DNAI4: variants seen among roughly 807,000 people sequenced by gnomAD.
DNAI4 encodes dynein axonemal intermediate chain 4.
A neutral mutation model predicts 105.8 loss-of-function variants in DNAI4; 85 were observed. The ratio of observed to expected loss-of-function variants is 0.80; its 90% CI spans 0.67 to 0.96. The LOEUF (loss-of-function observed/expected upper bound fraction) is 0.96. Among genes scored for constraint, DNAI4 ranks in the 40% least tolerant of loss-of-function variants. The probability of loss-of-function intolerance (pLI) is 0.00; values close to 1 mark genes in which losing one functional copy is unlikely to be tolerated. For missense variants in DNAI4, 1,014 were observed against 1,005.6 expected (o/e 1.01, Z -0.11); for synonymous variants, 352 against 331.5 (o/e 1.06, Z -0.67).
chr1:66,852,246 T>C (rs1221231707), intron 7 of DNAI4, among the ~76,000 whole-genome samples: 1 of 151,704 alleles, frequency 6.6e-6, no homozygotes, highest in African/African-American at 2.4e-5. Context: ...TTTAAAAAAC[T>C]CACCCACAAA....
chr1:66,862,426 C>A (rs771460267), intron 6 of DNAI4, 124 bp from the exon 7 acceptor site: 2 of 1,036,998 alleles, frequency 1.9e-6, no homozygotes, highest in South Asian at 1.6e-5. Flanking sequence ...TGCAGTTGCC[C>A]GTGCCAGCTA....
At chr1:66,840,401 C>A in intron 9 of DNAI4, 68 bp downstream of exon 9, 7 of 1,446,540 alleles carry the variant, frequency 4.8e-6, no homozygotes, top group Non-Finnish European at 6.8e-6. Context: ...AACAATTCTT[C>A]ATTATTCGAA....
At chr1:66,845,210 G>GAAAAAAAAAAAAAAAAAAAAAAAAA (rs1557918709) in intron 8 of DNAI4, among the ~76,000 whole-genome samples, 1 of 21,616 alleles carries the variant, frequency 4.6e-5, no homozygotes, top group African/African-American at 1.5e-4. Flanking sequence ...AAAAAAAAAA[G>GAAAAAAAAAAAAAAAAAAAAAAAAA]AAAAATTAAA....
chr1:66,837,838 C>T (rs1646063130), intron 9 of DNAI4, 42 bp from the exon 10 acceptor site: 1 of 1,519,904 alleles, frequency 6.6e-7, no homozygotes, highest in Non-Finnish European at 9.0e-7. Context: ...GAGAAGATAG[C>T]ATTAAAATAT....
At position 66,836,256 on chromosome 1, in the gene DNAI4, GAAAGAAAGAAAGAAAGAA is replaced by G. The variant is rs1646008824; in HGVS notation, c.1582-497_1582-480del. On this transcript the variant is annotated intron_variant, in intron 10 of 16. Coordinates refer to ENST00000371026, the MANE Select transcript of DNAI4 (RefSeq NM_024763.5). Reference sequence around the variant, plus strand: ...AGAGAAAGAAAGAAAGAGAGAGAGAGAAAGAAAGAAAGAAAGAAAGAAAGAAAGAAAGAAAGAAAGAAA... The same window carrying G: ...AGAGAAAGAAAGAAAGAGAGAGAGAGAGAAAGAAAGAAAGAAAGAAAGAAA... 1.6e-3 allele frequency among the ~76,000 whole-genome samples: 23 copies of G among 14,138 alleles called. 1 individual carries two copies. The highest frequency in any genetic ancestry group is 4.5e-3 in the African/African-American group (18 of 4,034). The allele number at this position is 14,138 out of a possible 152,430, so 9.3% of individuals were successfully genotyped here. A position where few individuals can be genotyped will look rare whatever the true frequency, so the allele number is the denominator to read the frequency against.
intron 7 of DNAI4, chr1:66,848,429 T>G: frequency 2.8e-6 from 1 of 360,616 alleles, no homozygotes. Flanking sequence ...GAAAATCTCT[T>G]TTGCCATGTT....
chr1:66,836,206 AAGAG>A (rs1219534466), intron 10 of DNAI4, among the ~76,000 whole-genome samples: 1 of 17,000 alleles, frequency 5.9e-5, no homozygotes, highest in African/African-American at 1.7e-4. Flanking sequence ...GAAAGAAAGA[AAGAG>A]AGAGAGAGAG....
In DNAI4 at chr1:66,826,990, A is replaced by G; in HGVS notation, c.2169T>C (p.Cys723=). 1 of 1,614,176 alleles carries G rather than the reference A, an allele frequency of 6.2e-7. No individual in the cohort carries two copies. The highest frequency in any genetic ancestry group is 1.7e-5 in the Admixed American group (1 of 60,026). The change falls in exon 15 of 17, where the codon TGT becomes TGC. Residue 723 remains cysteine (C), a synonymous_variant. Transcript: ENST00000371026. ...ATATAATAACACCCCAATCTGCAGA[A>G]CAGCTTAAAAATACATCATGACAAA... The part of the protein sequence containing the change: ...NPFCHDVFLS[C]SADWGVIIWQ...
chr1:66,877,458 C>CT (rs142816515), intron 4 of DNAI4, among the ~76,000 whole-genome samples: 3 of 152,090 alleles, frequency 2.0e-5, no homozygotes, highest in Non-Finnish European at 4.4e-5. Flanking sequence ...TACCTCTAGA[C>CT]TTTTTTTCAA....
intron 7 of DNAI4, among the ~76,000 whole-genome samples, chr1:66,861,080 A>G (rs1253592427): frequency 6.6e-6 from 1 of 152,188 alleles, no homozygotes; most frequent in Non-Finnish European, 1.5e-5. Context: ...ATTTTAAAAA[A>G]GGAACAAGTC....
intron 7 of DNAI4, among the ~76,000 whole-genome samples, chr1:66,851,669 A>AGATTATTTACACC (rs1646399424): frequency 6.6e-6 from 1 of 152,014 alleles, no homozygotes; most frequent in African/African-American, 2.4e-5. Context: ...TTAAAAAAAC[A>AGATTATTTACACC]AAATGCTGTA....
At position 66,865,137 on chromosome 1, in the gene DNAI4, T is replaced by G. The variant is rs966951535; in HGVS notation, c.941-2835A>C. Among the ~76,000 whole-genome samples, 9 of 152,026 alleles carry G rather than the reference T, an allele frequency of 5.9e-5. No homozygotes were observed. In the East Asian group the frequency reaches 1.7e-3, roughly 29 times the overall value. On this transcript the variant is annotated intron_variant, in intron 6 of 16. Transcript: ENST00000371026. ...AAATTAAGTAAATATTAAGATTTTA[T>G]GGATGCCAGCCGTGATGGCTCACGC...
Position 66,847,697 on chromosome 1 carries a change from A to T in DNAI4, c.1097-19T>A, listed in dbSNP as rs370140405. The T allele has an allele frequency of 9.5e-5, 144 of 1,522,512 alleles. No individual in the cohort carries two copies. Among genetic ancestry groups the T allele is most frequent in the Non-Finnish European group, 1.3e-4 (141 of 1,117,104 alleles). 94.3% of individuals were successfully genotyped at this position (1,522,512 alleles called of 1,614,324 possible). On this transcript the variant is annotated intron_variant, in intron 7 of 16. Coordinates refer to ENST00000371026, the MANE Select transcript of DNAI4 (RefSeq NM_024763.5). Reference sequence around the variant, plus strand: ...TCACTATCTACAAAATACAAACATGATACAATGATAAAATATTCAAATGGA... The same window carrying T: ...TCACTATCTACAAAATACAAACATGTTACAATGATAAAATATTCAAATGGA...
intron 16 of DNAI4, among the ~76,000 whole-genome samples, chr1:66,821,007 T>C (rs1365564036): frequency 6.6e-6 from 1 of 152,018 alleles, no homozygotes; most frequent in Non-Finnish European, 1.5e-5. Context: ...TAATTTATTT[T>C]ATTAAATTTA....
Position 66,891,152 on chromosome 1 carries a change from A to C in DNAI4, c.643+2T>G, listed in dbSNP as rs1374081515. ...TGAAATAAACAAGTATATTTTCATTACCTGTGAAACTAGTCAATCTTTCCC... is the reference window on the plus strand; with the variant it reads ...TGAAATAAACAAGTATATTTTCATTCCCTGTGAAACTAGTCAATCTTTCCC... On this transcript the variant is annotated splice_donor_variant, in intron 4 of 16. Transcript: ENST00000371026. LOFTEE classifies it high-confidence loss of function. The C allele has an allele frequency of 6.3e-7, 1 of 1,593,696 alleles. No homozygotes were observed. The highest frequency in any genetic ancestry group is 1.3e-5 in the African/African-American group (1 of 74,448).
intron 7 of DNAI4, among the ~76,000 whole-genome samples, chr1:66,854,317 G>A (rs916839108): frequency 1.3e-5 from 2 of 152,096 alleles, no homozygotes; most frequent in Non-Finnish European, 2.9e-5. Flanking sequence ...CTTGAGCCTG[G>A]GAGGTTGAGG....
Position 66,847,531 on chromosome 1 carries a change from A to G in DNAI4, c.1244T>C (p.Ile415Thr). Residue 415 changes from isoleucine (I) to threonine (T), a missense_variant, in exon 8 of 17, where the codon ATA (isoleucine) becomes ACA (threonine). Coordinates refer to ENST00000371026, the MANE Select transcript of DNAI4 (RefSeq NM_024763.5). ...ATAAGCTGCAAGTTTGGGCTGAAAT[A>G]TATTTTCCATCAGAACCCGTTCCAT... ...FFMERVLMEN[I>T]FQPKLAAYRQ... 1 of 1,613,560 alleles carries G rather than the reference A, an allele frequency of 6.2e-7. No individual in the cohort carries two copies. The highest frequency in any genetic ancestry group is 8.5e-7 in the Non-Finnish European group (1 of 1,179,896).
chr1:66,823,080 C>T (rs939041363), intron 15 of DNAI4, among the ~76,000 whole-genome samples: 1 of 150,358 alleles, frequency 6.7e-6, no homozygotes, highest in African/African-American at 2.4e-5. Flanking sequence ...CACAACAGTC[C>T]CCAGAGTGTG....
At chr1:66,858,277 C>T (rs1004659218) in intron 7 of DNAI4, among the ~76,000 whole-genome samples, 1 of 151,904 alleles carries the variant, frequency 6.6e-6, no homozygotes, top group Non-Finnish European at 1.5e-5. Flanking sequence ...CGCCTGTAAT[C>T]CCAGCACTTT....
Sources: gnomAD v4.1 joint callset for allele counts (sites outside exome capture counted in the v4.1 genomes callset) on GRCh38, gnomAD v4.1.1 for gene constraint, MANE v1.5 for transcripts, NCBI Gene and HGNC (gene_info 2026-07-23, HGNC 2026-07-21) for gene names.